The following RUFY1 variants were observed in gnomAD, a reference collection of about 807,000 sequenced individuals.
RUFY1 encodes the protein RUN and FYVE domain-containing protein 1.
Under a neutral mutation model 94.6 loss-of-function variants are expected in RUFY1, and 54 were observed. That is an observed-to-expected ratio of 0.57 (90% confidence interval 0.46 to 0.72). RUFY1 has a LOEUF of 0.72. Among genes scored for constraint, RUFY1 ranks in the 30% least tolerant of loss-of-function variants. RUFY1 has a pLI of 0.00. For synonymous variants in RUFY1, 396 were observed against 347.3 expected (o/e 1.14, Z -1.56); for missense variants, 883 against 883.9 (o/e 1.00, Z 0.01).
chr5:179,607,106 C>T (rs999739525), intron 16 of RUFY1: 6 of 174,850 alleles, frequency 3.4e-5, no homozygotes, highest in Admixed American at 1.1e-4. Flanking sequence ...ACGCAGTGCC[C>T]GCTGTCCATC....
chr5:179,567,758 G>A (rs1423859993), intron 4 of RUFY1, among the ~76,000 whole-genome samples, 196 bp downstream of exon 4: 30 of 152,116 alleles, frequency 2.0e-4, no homozygotes, highest in Admixed American at 2.0e-3. Flanking sequence ...ACGAAAATTA[G>A]CCAGGTGTGG....
At chr5:179,567,609 A>G (rs1195855950) in intron 4 of RUFY1, 47 bp downstream of exon 4, 1 of 1,396,722 alleles carries the variant, frequency 7.2e-7, no homozygotes, top group Non-Finnish European at 1.0e-6. Flanking sequence ...GTAAATAATT[A>G]GAACATAGGC....
chr5:179,563,591 C>T (rs559347199), intron 3 of RUFY1, among the ~76,000 whole-genome samples: 114 of 152,198 alleles, frequency 7.5e-4, no homozygotes, highest in Non-Finnish European at 1.3e-3. Flanking sequence ...AGATTTAAGC[C>T]CTCTATGCAA....
chr5:179,559,869 A>C, intron 1 of RUFY1, 156 bp from the exon 2 acceptor site: 1 of 1,423,706 alleles, frequency 7.0e-7, no homozygotes, highest in Non-Finnish European at 9.2e-7. Context: ...ATCAGGGACT[A>C]CTTACCTGCG....
chr5:179,597,787 C>G (rs906299441), intron 13 of RUFY1, among the ~76,000 whole-genome samples: 1 of 152,208 alleles, frequency 6.6e-6, no homozygotes, highest in Non-Finnish European at 1.5e-5. Context: ...TCCAGCAGTG[C>G]CCCCAGGGCC....
rs1341709900 is a variant in RUFY1 at position 179,608,265 on chromosome 5, C to CT, written c.1983+607dup. 6 of 987,004 alleles carry CT rather than the reference C, an allele frequency of 6.1e-6. No individual in the cohort carries two copies. The African/African-American group carries it at 1.0e-4, about 17-fold the overall frequency. 61.1% of individuals were successfully genotyped at this position (987,004 alleles called of 1,614,324 possible). ...CCCACCTTTCTGCCACAGCCATGTT[C>CT]TGTCTGTTCCCATCAACAGCCTAGC... is the stretch of plus-strand genomic sequence containing the variant. On this transcript the variant is annotated intron_variant, in intron 17 of 17. Transcript: ENST00000319449.
chr5:179,601,873 G>A lies in RUFY1; in HGVS notation c.1762-19G>A, dbSNP rs1297135217. The A allele has an allele frequency of 2.7e-6, 4 of 1,499,978 alleles. No homozygotes were observed. Among genetic ancestry groups the A allele is most frequent in the Non-Finnish European group, 2.8e-6 (3 of 1,077,662 alleles). 92.9% of individuals were successfully genotyped at this position (1,499,978 alleles called of 1,614,324 possible). A position where few individuals can be genotyped will look rare whatever the true frequency, so the allele number is the denominator to read the frequency against. ...CGTGTAATCCTCTGTCCAGCATCTGGTTGGTTTGTTCATTTTAGGAGTTGC... is the reference window on the plus strand; with the variant it reads ...CGTGTAATCCTCTGTCCAGCATCTGATTGGTTTGTTCATTTTAGGAGTTGC... On this transcript the variant is annotated intron_variant, in intron 14 of 17. Coordinates refer to ENST00000319449, the MANE Select transcript of RUFY1 (RefSeq NM_025158.5).
rs185368503 is a variant in RUFY1 at position 179,560,844 on chromosome 5, A to C, written c.484+646A>C. On this transcript the variant is annotated intron_variant, in intron 2 of 17. Transcript: ENST00000319449. ...TAACCTAATTTGCTAAAATGTTTTA[A>C]AATTAGTGTTAATAATATATTTCAT... 2.4e-3 allele frequency among the ~76,000 whole-genome samples: 359 copies of C among 152,342 alleles called. 1 individual carries two copies. Among genetic ancestry groups the C allele is most frequent in the African/African-American group, 8.0e-3 (334 of 41,580 alleles).
chr5:179,592,484 C>A (rs1249005067), intron 10 of RUFY1, among the ~76,000 whole-genome samples: 1 of 152,182 alleles, frequency 6.6e-6, no homozygotes, highest in African/African-American at 2.4e-5. Flanking sequence ...GAACTCCTGA[C>A]CTCGTGATCC....
intron 13 of RUFY1, among the ~76,000 whole-genome samples, chr5:179,597,856 C>G (rs1765834678): frequency 6.6e-6 from 1 of 152,160 alleles, no homozygotes; most frequent in Non-Finnish European, 1.5e-5. Flanking sequence ...GGCCTTCTCC[C>G]TCCAGGATCC....
chr5:179,592,975 C>G (rs916999796), intron 10 of RUFY1, among the ~76,000 whole-genome samples: 5 of 152,200 alleles, frequency 3.3e-5, no homozygotes, highest in African/African-American at 9.7e-5. Flanking sequence ...GTGGAGTCAG[C>G]TTTAACCGTG....
intron 8 of RUFY1, among the ~76,000 whole-genome samples, chr5:179,588,872 A>G (rs59559303): frequency 0.012 from 1,759 of 152,214 alleles, 28 homozygotes; most frequent in African/African-American, 0.04. Context: ...CTGGAATTAC[A>G]GGCATGAGAC....
chr5:179,597,398 G>A (rs1765772317), intron 13 of RUFY1, among the ~76,000 whole-genome samples: 1 of 152,088 alleles, frequency 6.6e-6, no homozygotes, highest in Non-Finnish European at 1.5e-5. Context: ...ACCACACCTG[G>A]CTAATTTTTT....
intron 15 of RUFY1, among the ~76,000 whole-genome samples, chr5:179,604,538 TA>T (rs1436838944): frequency 1.6e-4 from 24 of 151,728 alleles, no homozygotes; most frequent in African/African-American, 5.9e-4. Context: ...CGATCTTTAG[TA>T]AAAGCCACAG....
intron 12 of RUFY1, among the ~76,000 whole-genome samples, chr5:179,595,426 G>A (rs1765535298): frequency 6.6e-6 from 1 of 152,074 alleles, no homozygotes; most frequent in Admixed American, 6.5e-5. Flanking sequence ...GACAACATAT[G>A]GACAGCAAAA....
intron 12 of RUFY1, among the ~76,000 whole-genome samples, chr5:179,595,525 CT>C: frequency 6.6e-6 from 1 of 150,554 alleles, no homozygotes; most frequent in African/African-American, 2.4e-5. Context: ...GCTACGGTTT[CT>C]TTTTGGTTTT....
At chr5:179,553,257 G>C (rs1041384611) in intron 1 of RUFY1, among the ~76,000 whole-genome samples, 2 of 152,138 alleles carry the variant, frequency 1.3e-5, no homozygotes, top group African/African-American at 4.8e-5. Flanking sequence ...AAGTGGGCAG[G>C]GGCCTCTCAC....
At position 179,580,968 on chromosome 5, in the gene RUFY1, C is replaced by T; in HGVS notation, c.912C>T (p.Val304=). The stretch of plus-strand genomic sequence containing the variant: ...AAAGGCATGAAAGAATTACTGATGT[C>T]CTTGATCAAAAAAATTATGTGGAAG... ...GGKEHERITD[V]LDQKNYVEEL... The change falls in exon 7 of 18, where the codon GTC becomes GTT. Residue 304 remains valine, a synonymous_variant. Coordinates refer to ENST00000319449, the MANE Select transcript of RUFY1 (RefSeq NM_025158.5). The T allele has an allele frequency of 6.2e-7, 1 of 1,606,526 alleles. No homozygotes were observed. Among genetic ancestry groups the T allele is most frequent in the Admixed American group, 1.7e-5 (1 of 58,774 alleles).
chr5:179,602,802 C>T (rs1766583027), intron 15 of RUFY1: 1 of 152,252 alleles, frequency 6.6e-6, no homozygotes, highest in Admixed American at 6.5e-5. Context: ...CTCAGCAAGG[C>T]CATCTATCAG....
Sources: allele counts gnomAD v4.1 joint callset (sites outside exome capture counted in the v4.1 genomes callset), GRCh38; gene constraint gnomAD v4.1.1; transcripts MANE v1.5; gene names NCBI Gene and HGNC (gene_info 2026-07-23, HGNC 2026-07-21).